Variants in ASCC3 observed in about 807,000 individuals in gnomAD.
The protein encoded by ASCC3 is ASC-1 complex subunit P200.
In ASCC3, 158 loss-of-function variants were observed where a neutral mutation model predicts 256.3. The ratio of observed to expected loss-of-function variants is 0.62; its 90% CI spans 0.54 to 0.70. The LOEUF (loss-of-function observed/expected upper bound fraction) is 0.70. Among genes scored for constraint, ASCC3 ranks in the 30% least tolerant of loss-of-function variants. The pLI is 0.00. For synonymous variants in ASCC3, 948 were observed against 883.4 expected (o/e 1.07, Z -1.30); for missense variants, 2,259 against 2,626.0 (o/e 0.86, Z 3.05).
At chr6:100,571,032 C>T (rs1770558402) in intron 36 of ASCC3, among the ~76,000 whole-genome samples, 1 of 152,136 alleles carries the variant, frequency 6.6e-6, no homozygotes, top group South Asian at 2.1e-4. Flanking sequence ...AGTAACATCA[C>T]ATCACTCATC....
intron 36 of ASCC3, among the ~76,000 whole-genome samples, chr6:100,567,730 C>T (rs1770342493): frequency 2.0e-5 from 3 of 151,286 alleles, no homozygotes; most frequent in Admixed American, 2.0e-4. Flanking sequence ...GACATGATTT[C>T]TTTTTTTTTG....
At chr6:100,724,792 A>C (rs1357732651) in intron 11 of ASCC3, among the ~76,000 whole-genome samples, 1 of 151,950 alleles carries the variant, frequency 6.6e-6, no homozygotes, top group Non-Finnish European at 1.5e-5. Flanking sequence ...AAGAGTGAGA[A>C]AGGAAACTGG....
At chr6:100,603,687 T>C (rs1316833805) in intron 33 of ASCC3, among the ~76,000 whole-genome samples, 1 of 152,144 alleles carries the variant, frequency 6.6e-6, no homozygotes, top group Non-Finnish European at 1.5e-5. Flanking sequence ...TTTTTTTACA[T>C]CTATGAAATG....
At chr6:100,707,258 TA>T in intron 13 of ASCC3, among the ~76,000 whole-genome samples, 1 of 152,092 alleles carries the variant, frequency 6.6e-6, no homozygotes, top group Non-Finnish European at 1.5e-5. Flanking sequence ...AAGAACTGAT[TA>T]AAAATTTTAA....
At chr6:100,598,561 T>C (rs1257988855) in intron 34 of ASCC3, among the ~76,000 whole-genome samples, 3 of 152,168 alleles carry the variant, frequency 2.0e-5, no homozygotes, top group African/African-American at 7.2e-5. Context: ...TTTATTACAG[T>C]TTCATGTGGA....
chr6:100,674,522 A>G (rs1776909304), intron 14 of ASCC3, among the ~76,000 whole-genome samples: 1 of 151,664 alleles, frequency 6.6e-6, no homozygotes, highest in South Asian at 2.1e-4. Context: ...TGTCTCATCT[A>G]TTATTGTTTT....
At chr6:100,873,619 G>A (rs1266752778) in intron 1 of ASCC3, among the ~76,000 whole-genome samples, 1 of 152,162 alleles carries the variant, frequency 6.6e-6, no homozygotes, top group Non-Finnish European at 1.5e-5. Context: ...CTTATGAGCT[G>A]TGAGGCAGAA....
At chr6:100,527,844 T>G (rs79607731) in intron 37 of ASCC3, among the ~76,000 whole-genome samples, 1 of 151,630 alleles carries the variant, frequency 6.6e-6, no homozygotes, top group African/African-American at 2.4e-5. Flanking sequence ...TTTTTTTTTT[T>G]GTTGTTTTTT....
chr6:100,824,257 TA>T (rs1771189673), intron 4 of ASCC3, among the ~76,000 whole-genome samples: 1 of 152,204 alleles, frequency 6.6e-6, no homozygotes, highest in Non-Finnish European at 1.5e-5. Context: ...GTTTAAGAAA[TA>T]ATTAAGTAAG....
intron 4 of ASCC3, among the ~76,000 whole-genome samples, chr6:100,810,341 T>C (rs1770400899): frequency 6.6e-6 from 1 of 152,296 alleles, no homozygotes; most frequent in African/African-American, 2.4e-5. Flanking sequence ...TCTCTATCTT[T>C]ACTATGTTTT....
At chr6:100,877,370 C>T (rs574789299) in intron 1 of ASCC3, among the ~76,000 whole-genome samples, 2 of 152,188 alleles carry the variant, frequency 1.3e-5, no homozygotes, top group South Asian at 4.1e-4. Flanking sequence ...CTTGTACCCA[C>T]AAACCACACC....
rs148290478 is a variant in ASCC3, at chr6:100,687,482, C to T, written c.2152-7730G>A. On this transcript the variant is annotated intron_variant, in intron 13 of 41. Transcript: ENST00000369162. ...GTTCAAGAGATTCTCCTGCCTCAGC[C>T]TCCCGAGTAGCTGGGACTACAGGTG... is the stretch of plus-strand genomic sequence containing the variant. Among the ~76,000 whole-genome samples the T allele has an allele frequency of 0.013, 1,934 of 152,140 alleles. 92 individuals are homozygous for T. In the East Asian group the frequency reaches 0.14, roughly 11 times the overall value.
chr6:100,845,149 C>A (rs1404230602), intron 4 of ASCC3, among the ~76,000 whole-genome samples: 1 of 152,002 alleles, frequency 6.6e-6, no homozygotes, highest in Admixed American at 6.6e-5. Flanking sequence ...AACTTCAGTG[C>A]GCCTGTGTAC....
At chr6:100,640,157 A>C (rs1775049325) in intron 24 of ASCC3, among the ~76,000 whole-genome samples, 1 of 152,090 alleles carries the variant, frequency 6.6e-6, no homozygotes, top group African/African-American at 2.4e-5. Context: ...AGAAGGAAGG[A>C]GGGGAGGCAT....
At chr6:100,738,893 T>G (rs1780301663) in intron 10 of ASCC3, among the ~76,000 whole-genome samples, 1 of 152,164 alleles carries the variant, frequency 6.6e-6, no homozygotes, top group African/African-American at 2.4e-5. Flanking sequence ...CAAACAAAGA[T>G]AATTTCACTT....
chr6:100,530,564 T>C (rs1774817994), intron 37 of ASCC3: 2 of 785,712 alleles, frequency 2.5e-6, no homozygotes, highest in Admixed American at 1.7e-5. Context: ...TGGCACTCAA[T>C]CCAGCCAGCA....
intron 36 of ASCC3, among the ~76,000 whole-genome samples, chr6:100,562,642 T>C (rs2114707638): frequency 6.6e-6 from 1 of 152,232 alleles, no homozygotes; most frequent in Non-Finnish European, 1.5e-5. Context: ...AGAGAGATAC[T>C]GGTCTTTACG....
intron 4 of ASCC3, among the ~76,000 whole-genome samples, chr6:100,818,748 C>CAAAAAAAAAAAAA (rs56668191): frequency 6.9e-5 from 4 of 58,108 alleles, no homozygotes; most frequent in East Asian, 6.4e-4. Context: ...AGGCAAAAGC[C>CAAAAAAAAAAAAA]AAAAAAAAAA....
intron 25 of ASCC3, among the ~76,000 whole-genome samples, chr6:100,636,095 T>C (rs1157212886): frequency 6.6e-6 from 1 of 152,218 alleles, no homozygotes; most frequent in East Asian, 1.9e-4. Context: ...ATTATCCTAA[T>C]ATGGGCATAG....
Sources: gnomAD v4.1 joint callset for allele counts (sites outside exome capture counted in the v4.1 genomes callset) on GRCh38, gnomAD v4.1.1 for gene constraint, MANE v1.5 for transcripts, NCBI Gene and HGNC (gene_info 2026-07-23, HGNC 2026-07-21) for gene names.